Variants in PRKN observed in about 807,000 individuals in gnomAD.
The protein encoded by PRKN is parkin RBR E3 ubiquitin protein ligase, also known as E3 ubiquitin-protein ligase parkin.
Under a neutral mutation model 59.5 loss-of-function variants are expected in PRKN, and 56 were observed. That is an observed-to-expected ratio of 0.94 (90% CI 0.76 to 1.18). The LOEUF (loss-of-function observed/expected upper bound fraction) is 1.18. Among genes scored for constraint, PRKN ranks in the 50% most tolerant of loss-of-function variants. PRKN has a pLI of 0.00. For missense variants in PRKN, 657 were observed against 596.4 expected (o/e 1.10, Z -1.06); for synonymous variants, 250 against 222.1 (o/e 1.13, Z -1.12).
intron 7 of PRKN, among the ~76,000 whole-genome samples, chr6:161,693,113 AC>A (rs1315420437): frequency 8.5e-5 from 13 of 152,156 alleles, no homozygotes; most frequent in Non-Finnish European, 1.8e-4. Context: ...AATTAAAAAA[AC>A]ACATAAACAT....
In PRKN at chr6:161,496,475, T is replaced by C. The variant is rs142716847; in HGVS notation, c.1083+52379A>G. 9.6e-3 allele frequency among the ~76,000 whole-genome samples: 1,464 copies of C among 152,318 alleles called. 29 individuals are homozygous for C. Among genetic ancestry groups the C allele is most frequent in the African/African-American group, 0.033 (1,386 of 41,570 alleles). On this transcript the variant is annotated intron_variant, in intron 9 of 11. Coordinates refer to ENST00000366898, the MANE Select transcript of PRKN (RefSeq NM_004562.3). ...CCACATGGCTGGGGAGGCCTCACAA[T>C]CATGGCGGAAGGCCAATGAGGAGCA...
At chr6:162,367,128 T>G (rs1022656815) in intron 2 of PRKN, among the ~76,000 whole-genome samples, 2 of 152,106 alleles carry the variant, frequency 1.3e-5, no homozygotes, top group African/African-American at 4.8e-5. Flanking sequence ...GAATGAGTTC[T>G]CAGGGGAGCT....
chr6:161,600,608 T>C (rs12055483), intron 7 of PRKN, among the ~76,000 whole-genome samples: 94,289 of 151,962 alleles, frequency 0.62, 29,693 homozygotes, highest in African/African-American at 0.72. Context: ...TTCTGTTGAA[T>C]TGGCATGCTT....
chr6:162,579,146 A>G (rs1346445004), intron 1 of PRKN, among the ~76,000 whole-genome samples: 1 of 152,208 alleles, frequency 6.6e-6, no homozygotes, highest in Non-Finnish European at 1.5e-5. Context: ...AAAGCCTGTC[A>G]TTGCCATGTG....
At chr6:162,342,262 T>A (rs1784213169) in intron 2 of PRKN, among the ~76,000 whole-genome samples, 1 of 152,196 alleles carries the variant, frequency 6.6e-6, no homozygotes, top group Non-Finnish European at 1.5e-5. Context: ...TGGCCAACGT[T>A]TCCCTTCAAC....
In PRKN at chr6:162,505,095, C is replaced by T. The variant is rs545547275; in HGVS notation, c.8-61622G>A. On this transcript the variant is annotated intron_variant, in intron 1 of 11. Coordinates refer to ENST00000366898, the MANE Select transcript of PRKN (RefSeq NM_004562.3). ...CACTTCCATAAACTGCCAGTGGCCA[C>T]GTAGGAGTTTATTTGTATGACCAGA... 1.6e-4 allele frequency among the ~76,000 whole-genome samples: 25 copies of T among 152,178 alleles called. No individual in the cohort carries two copies. The South Asian group carries it at 4.4e-3, about 26-fold the overall frequency.
At chr6:161,710,056 G>C (rs1044053900) in intron 7 of PRKN, among the ~76,000 whole-genome samples, 5 of 151,472 alleles carry the variant, frequency 3.3e-5, no homozygotes, top group Admixed American at 2.6e-4. Flanking sequence ...ACTCAGCTCA[G>C]AAAATTGGTA....
chr6:162,702,388 CTAAT>C (rs1488621090), intron 1 of PRKN, among the ~76,000 whole-genome samples: 1 of 152,068 alleles, frequency 6.6e-6, no homozygotes, highest in African/African-American at 2.4e-5. Context: ...AGTTTAAACT[CTAAT>C]TAACAGCTAA....
At chr6:161,893,000 G>A (rs996213252) in intron 6 of PRKN, among the ~76,000 whole-genome samples, 9 of 152,040 alleles carry the variant, frequency 5.9e-5, no homozygotes, top group Non-Finnish European at 1.2e-4. Flanking sequence ...CTGCCACCAC[G>A]CCCGGCTAAT....
rs939935513 is a variant in PRKN, at chr6:161,458,312, T to C, written c.1084-71435A>G. On this transcript the variant is annotated intron_variant, in intron 9 of 11. Transcript: ENST00000366898. The surrounding 1 kb of genome is among the most constrained non-coding windows in gnomAD (Gnocchi z 6.1). The stretch of plus-strand genomic sequence containing the variant: ...GAGAATATGATTGAAATTTTAATTA[T>C]TAAGTAGGGGGAATTGTGAAGCACT... Among the ~76,000 whole-genome samples the C allele has an allele frequency of 9.2e-5, 14 of 152,152 alleles. No individual in the cohort carries two copies. Among genetic ancestry groups the C allele is most frequent in the African/African-American group, 3.4e-4 (14 of 41,432 alleles).
intron 2 of PRKN, among the ~76,000 whole-genome samples, chr6:162,308,014 C>T (rs114766403): frequency 0.026 from 3,957 of 152,304 alleles, 159 homozygotes; most frequent in African/African-American, 0.087. Context: ...AAACTCCCCT[C>T]TCCTGGCCAT....
chr6:162,634,357 TG>T (rs1240152192), intron 1 of PRKN, among the ~76,000 whole-genome samples: 3 of 152,122 alleles, frequency 2.0e-5, no homozygotes, highest in African/African-American at 7.2e-5. Flanking sequence ...AGGCCAGGCA[TG>T]GTAGCTCACA....
intron 5 of PRKN, among the ~76,000 whole-genome samples, chr6:161,996,838 G>T (rs1437619206): frequency 1.3e-5 from 2 of 151,880 alleles, no homozygotes; most frequent in African/African-American, 2.4e-5. Context: ...GGGGAAAAAC[G>T]TTTTATTTTT....
intron 2 of PRKN, among the ~76,000 whole-genome samples, chr6:162,383,846 T>A (rs994729624): frequency 6.6e-6 from 1 of 152,248 alleles, no homozygotes; most frequent in African/African-American, 2.4e-5. Context: ...TTGCTGCAGC[T>A]TCTACATCAG....
At chr6:162,552,132 A>G (rs889232148) in intron 1 of PRKN, among the ~76,000 whole-genome samples, 5 of 152,226 alleles carry the variant, frequency 3.3e-5, no homozygotes, top group Admixed American at 3.3e-4. Flanking sequence ...CACTGTGAAC[A>G]AAGTACACAA....
At chr6:161,923,557 C>T (rs755510726) in intron 6 of PRKN, among the ~76,000 whole-genome samples, 2 of 152,088 alleles carry the variant, frequency 1.3e-5, no homozygotes, top group Non-Finnish European at 2.9e-5. Flanking sequence ...AACTGTTCTT[C>T]ACCTAGGTTA....
At chr6:162,414,986 T>C (rs967500112) in intron 2 of PRKN, among the ~76,000 whole-genome samples, 16 of 152,120 alleles carry the variant, frequency 1.1e-4, no homozygotes, top group Non-Finnish European at 2.1e-4. Context: ...AATTAAGATA[T>C]CTGATGCTAA....
chr6:162,346,606 G>C (rs952257409), intron 2 of PRKN, among the ~76,000 whole-genome samples: 1 of 152,040 alleles, frequency 6.6e-6, no homozygotes, highest in African/African-American at 2.4e-5. Flanking sequence ...GGGTGACAGA[G>C]TGAGACCTTG....
chr6:162,645,713 T>C (rs1453799563), intron 1 of PRKN, among the ~76,000 whole-genome samples: 1 of 152,108 alleles, frequency 6.6e-6, no homozygotes, highest in East Asian at 1.9e-4. Flanking sequence ...AATCAACAAA[T>C]CGGATATAAC....
Sources: gnomAD v4.1 joint callset for allele counts (sites outside exome capture counted in the v4.1 genomes callset) on GRCh38, gnomAD v4.1.1 for gene constraint, Gnocchi (gnomAD v3.1) non-coding constraint, MANE v1.5 for transcripts, NCBI Gene and HGNC (gene_info 2026-07-23, HGNC 2026-07-21) for gene names.